Variants in STOML1 observed in about 807,000 individuals in gnomAD.
STOML1 encodes the protein stomatin like 1.
A neutral mutation model predicts 35.7 loss-of-function variants in STOML1; 27 were observed. The observed-to-expected ratio is 0.76, with a 90% CI of 0.56 to 1.04. The LOEUF (loss-of-function observed/expected upper bound fraction) is 1.04, where lower values mean the gene tolerates loss of function less well. STOML1 is among the 50% of genes least tolerant of loss of function. The pLI is 0.00. For missense variants in STOML1, 451 were observed against 527.1 expected, an observed-to-expected ratio of 0.86 and a Z score of 1.41; for synonymous variants, 219 against 227.9, an observed-to-expected ratio of 0.96 and a Z score of 0.35.
At chr15:73,984,638 A>G (rs746203674) in intron 6 of STOML1, 21 bp downstream of exon 6, 3 of 1,610,092 alleles carry the variant, frequency 1.9e-6, no homozygotes, top group East Asian at 2.2e-5. Flanking sequence ...TGGGAAGGAG[A>G]GGCAAGGAGG....
chr15:73,983,861 A>G lies in STOML1; in HGVS notation c.*76T>C. 6.7e-7 allele frequency: 1 copy of G among 1,494,006 alleles called. No individual in the cohort carries two copies. The highest frequency in any genetic ancestry group is 9.0e-7 in the Non-Finnish European group (1 of 1,110,036). 92.5% of individuals were successfully genotyped at this position (1,494,006 alleles called of 1,614,324 possible). A position where few individuals can be genotyped will look rare whatever the true frequency, so the allele number is the denominator to read the frequency against. On this transcript the variant is annotated 3_prime_UTR_variant, in exon 7 of 7. Transcript: ENST00000541638. ...CCTCAACTCTCTGTGGTGCAGATGA[A>G]CACCTCCTCCTCCAAGAGGCCCCTC...
At chr15:73,986,748 C>A in intron 4 of STOML1, 1 of 152,956 alleles carries the variant, frequency 6.5e-6, no homozygotes. Context: ...CCAGCGCTGT[C>A]TTGGGAGCCC....
upstream of STOML1, chr15:73,992,335 A>C (rs2069310472): frequency 5.5e-6 from 7 of 1,264,192 alleles, no homozygotes; most frequent in East Asian, 3.2e-5. Flanking sequence ...CCGCGCGGCC[A>C]CCCGCGGCGG....
At chr15:73,991,400 G>A (rs1305263760) in intron 1 of STOML1, among the ~76,000 whole-genome samples, 2 of 152,246 alleles carry the variant, frequency 1.3e-5, no homozygotes, top group Non-Finnish European at 2.9e-5. Flanking sequence ...TCTGGGCTAA[G>A]CCCCAGAGCA....
intron 1 of STOML1, chr15:73,991,851 T>C (rs1274539364): frequency 6.3e-6 from 4 of 631,646 alleles, no homozygotes; most frequent in South Asian, 1.9e-5. Flanking sequence ...AGGTGAGGTT[T>C]TGGAAGATAG....
intron 1 of STOML1, chr15:73,991,555 T>G: frequency 2.2e-6 from 1 of 456,330 alleles, no homozygotes; most frequent in Non-Finnish European, 4.4e-6. Context: ...ATCTGGCCTG[T>G]AGGCCAAAGG....
rs921613883 is a variant in STOML1, at chr15:73,979,312, A to G, written c.*4625T>C. ...GGGGGTGGTGGTTACTCAGGTGTTC[A>G]CATTTGTCAAAGCACCTCAGATGAC... On this transcript the variant is annotated 3_prime_UTR_variant, in exon 7 of 7. Coordinates refer to ENST00000541638, the MANE Select transcript of STOML1 (RefSeq NM_004809.5). 1 of 152,150 alleles carries G rather than the reference A, an allele frequency of 6.6e-6. No individual in the cohort carries two copies. The highest frequency in any genetic ancestry group is 1.5e-5 in the Non-Finnish European group (1 of 68,010). 9.4% of individuals were successfully genotyped at this position (152,150 alleles called of 1,614,324 possible).
chr15:73,990,719 C>CATTCAATCTCAGAATCCAGT (rs2069247422), intron 1 of STOML1: 1 of 1,304,994 alleles, frequency 7.7e-7, no homozygotes, highest in Non-Finnish European at 1.1e-6. Flanking sequence ...AGGCAACAGC[C>CATTCAATCTCAGAATCCAGT]ATTCAATCTC....
chr15:73,990,582 A>C, intron 1 of STOML1, 125 bp from the exon 2 acceptor site: 1 of 980,150 alleles, frequency 1.0e-6, no homozygotes. Flanking sequence ...AGGGCTCTCA[A>C]TCTGGCTCCT....
intron 4 of STOML1, chr15:73,986,118 G>C (rs1056665498): frequency 6.5e-6 from 1 of 154,382 alleles, no homozygotes; most frequent in African/African-American, 2.4e-5. Context: ...GCTCTGGCGA[G>C]GGTGGAGGGG....
At position 73,992,247 on chromosome 15, in the gene STOML1, C is replaced by CT; in HGVS notation, c.-25_-24insA. 1 of 1,578,312 alleles carries CT rather than the reference C, an allele frequency of 6.3e-7. No individual in the cohort carries two copies. Among genetic ancestry groups the CT allele is most frequent in the Non-Finnish European group, 8.6e-7 (1 of 1,166,444 alleles). ...ATGGCTTTTGACAGGAGACACGCCC[C>CT]GCGCCTCCGCGCGGCGCCCTCCCTG... is the stretch of plus-strand genomic sequence containing the variant. On this transcript the variant is annotated 5_prime_UTR_variant, in exon 1 of 7. Coordinates refer to ENST00000541638, the MANE Select transcript of STOML1 (RefSeq NM_004809.5).
intron 2 of STOML1, chr15:73,989,972 G>C: frequency 4.9e-6 from 1 of 204,282 alleles, no homozygotes; most frequent in Non-Finnish European, 1.0e-5. Context: ...CACCCCTTAT[G>C]GAAAATGAGG....
intron 1 of STOML1, chr15:73,990,769 G>A (rs1281317652): frequency 5.9e-6 from 9 of 1,519,030 alleles, no homozygotes; most frequent in African/African-American, 1.4e-5. Flanking sequence ...TCACTGGACT[G>A]AGTAGGGGTC....
upstream of STOML1, among the ~76,000 whole-genome samples, chr15:73,993,227 C>G (rs932238655): frequency 6.6e-6 from 1 of 152,206 alleles, no homozygotes; most frequent in African/African-American, 2.4e-5. Flanking sequence ...GCCCCTTGAT[C>G]CAGGTACCTG....
chr15:73,992,352 C>A, upstream of STOML1: 6 of 1,186,456 alleles, frequency 5.1e-6, no homozygotes, highest in South Asian at 8.5e-5. Context: ...GCGGCGCGGG[C>A]GCAGGAAGAG....
intron 3 of STOML1, 36 bp downstream of exon 3, chr15:73,989,072 C>T: frequency 6.5e-7 from 1 of 1,547,444 alleles, no homozygotes; most frequent in Non-Finnish European, 8.7e-7. Flanking sequence ...GACAGGCCCC[C>T]AGTTCCTCTG....
intron 1 of STOML1, chr15:73,990,990 T>A: frequency 7.0e-7 from 1 of 1,428,474 alleles, no homozygotes; most frequent in Non-Finnish European, 9.1e-7. Flanking sequence ...GAGCCACAGA[T>A]GAGGAATTAG....
chr15:73,984,602 G>A lies in STOML1; in HGVS notation c.1003+57C>T, dbSNP rs1356415081. 23 of 1,593,632 alleles carry A rather than the reference G, an allele frequency of 1.4e-5. No individual in the cohort carries two copies. The East Asian group carries it at 4.9e-4, about 34-fold the overall frequency. The stretch of plus-strand genomic sequence containing the variant: ...AGTCTACGAGAGCACCACTGGGGTA[G>A]GTAACAAGAAACCTAGCAAGCTGGA... On this transcript the variant is annotated intron_variant, in intron 6 of 6. Coordinates refer to ENST00000541638, the MANE Select transcript of STOML1 (RefSeq NM_004809.5).
rs1406637511 is a variant in STOML1, at chr15:73,984,127, C to T, written c.1007G>A (p.Arg336Gln). 13 of 1,609,290 alleles carry T rather than the reference C, an allele frequency of 8.1e-6. No homozygotes were observed. The highest frequency in any genetic ancestry group is 2.2e-5 in the East Asian group (1 of 44,762). The change falls in exon 7 of 7, where the codon CGA (arginine) becomes CAA (glutamine). Residue 336 changes from arginine to glutamine, a missense_variant. By Grantham distance (43) the Arg-to-Gln change is conservative. Coordinates refer to ENST00000541638, the MANE Select transcript of STOML1 (RefSeq NM_004809.5). Reference protein sequence around the residue: ...SAYFLDLTTGRGRVGHGVPDG... With the variant: ...SAYFLDLTTGQGRVGHGVPDG... Reference sequence around the variant, plus strand: ...AGGCACCCCGTGTCCCACTCTTCCTCGTCCTGTGGGGCAAAAGAAAACCGA... The same window carrying T: ...AGGCACCCCGTGTCCCACTCTTCCTTGTCCTGTGGGGCAAAAGAAAACCGA...
Sources: allele counts gnomAD v4.1 joint callset (sites outside exome capture counted in the v4.1 genomes callset), GRCh38; gene constraint gnomAD v4.1.1; transcripts MANE v1.5; gene names NCBI Gene and HGNC (gene_info 2026-07-23, HGNC 2026-07-21).